Variants in EFCAB13 observed in about 807,000 individuals in gnomAD.
EFCAB13 encodes EF-hand calcium binding domain 13.
EFCAB13 carries 91 observed loss-of-function variants against 110.2 expected under a neutral mutation model. The ratio of observed to expected loss-of-function variants is 0.83; its 90% CI spans 0.70 to 0.98. EFCAB13 has a LOEUF of 0.98. Among genes scored for constraint, EFCAB13 ranks in the 50% least tolerant of loss-of-function variants. EFCAB13 has a pLI of 0.00. For missense variants in EFCAB13, 968 were observed against 1,119.4 expected, an observed-to-expected ratio of 0.86 and a Z score of 1.93; for synonymous variants, 323 against 369.9, an observed-to-expected ratio of 0.87 and a Z score of 1.45.
intron 9 of EFCAB13, among the ~76,000 whole-genome samples, chr17:47,356,989 G>A (rs2065484165): frequency 6.6e-6 from 1 of 152,196 alleles, no homozygotes; most frequent in Admixed American, 6.5e-5. Flanking sequence ...CTGCCTGACA[G>A]GTCGCCAGGG....
intron 9 of EFCAB13, among the ~76,000 whole-genome samples, chr17:47,348,897 A>G (rs2065432903): frequency 6.6e-6 from 1 of 152,176 alleles, no homozygotes; most frequent in Admixed American, 6.5e-5. Context: ...TAGAAAAGGA[A>G]AAATTCATAC....
intron 19 of EFCAB13, among the ~76,000 whole-genome samples, 165 bp from the exon 20 acceptor site, chr17:47,404,397 C>T (rs538258846): frequency 1.8e-4 from 27 of 152,220 alleles, no homozygotes; most frequent in Non-Finnish European, 2.5e-4. Flanking sequence ...ATACCTACAA[C>T]ATTGTAGGGT....
In EFCAB13 at chr17:47,397,702, C is replaced by T. The variant is rs1243140788; in HGVS notation, c.1945+1725C>T. ...TGTGAGGAGCGCCTCTACCCGGCCG[C>T]GACCCCATCTGGGAGGTGAGGAGCG... is the stretch of plus-strand genomic sequence containing the variant. On this transcript the variant is annotated intron_variant, in intron 17 of 24. Coordinates refer to ENST00000331493, the MANE Select transcript of EFCAB13 (RefSeq NM_152347.5). Among the ~76,000 whole-genome samples the T allele has an allele frequency of 5.9e-5, 9 of 151,766 alleles. No individual in the cohort carries two copies. The South Asian group carries it at 1.0e-3, about 18-fold the overall frequency.
chr17:47,349,301 C>G (rs1226303125), intron 9 of EFCAB13, among the ~76,000 whole-genome samples: 3 of 152,108 alleles, frequency 2.0e-5, no homozygotes, highest in Non-Finnish European at 4.4e-5. Flanking sequence ...GATAACATCA[C>G]TGATGTAAAT....
chr17:47,414,247 G>GTT (rs1904348477), intron 22 of EFCAB13, among the ~76,000 whole-genome samples: 1 of 151,802 alleles, frequency 6.6e-6, no homozygotes, highest in African/African-American at 2.4e-5. Flanking sequence ...GTATGTGTGT[G>GTT]TGTGCACGTG....
At chr17:47,394,244 A>G (rs921889697) in intron 16 of EFCAB13, 145 bp downstream of exon 16, 4 of 503,618 alleles carry the variant, frequency 7.9e-6, no homozygotes, top group Non-Finnish European at 1.1e-5. Context: ...TCCTGCTGCT[A>G]TATTTGGCTT....
In EFCAB13 at chr17:47,326,692, A is replaced by G. The variant is rs1174411233; in HGVS notation, c.-86+305A>G. Among the ~76,000 whole-genome samples, 4 of 151,722 alleles carry G rather than the reference A, an allele frequency of 2.6e-5. No individual in the cohort carries two copies. In the East Asian group the frequency reaches 7.8e-4, roughly 29 times the overall value. ...CAGTAAGTGCTATGCACAGTAGTTT[A>G]GAGGTAAATATTGAACTGGTTGGAG... On this transcript the variant is annotated intron_variant, in intron 3 of 24. Transcript: ENST00000331493.
intron 14 of EFCAB13, among the ~76,000 whole-genome samples, chr17:47,389,229 G>A (rs1567795735): frequency 6.6e-6 from 1 of 152,084 alleles, no homozygotes; most frequent in Non-Finnish European, 1.5e-5. Flanking sequence ...GTAGAGATGT[G>A]GTCTCCCTGT....
intron 8 of EFCAB13, among the ~76,000 whole-genome samples, chr17:47,346,523 T>G (rs1409603620): frequency 6.9e-6 from 1 of 144,724 alleles, no homozygotes; most frequent in African/African-American, 2.5e-5. Flanking sequence ...AGTACTGCAG[T>G]GAACAGGGGA....
At chr17:47,396,354 C>T (rs2065737953) in intron 17 of EFCAB13, among the ~76,000 whole-genome samples, 1 of 151,624 alleles carries the variant, frequency 6.6e-6, no homozygotes, top group Non-Finnish European at 1.5e-5. Context: ...TTGAAATAGG[C>T]TTTTATTTAA....
At chr17:47,341,104 G>T (rs540818598) in intron 5 of EFCAB13, among the ~76,000 whole-genome samples, 90 of 152,018 alleles carry the variant, frequency 5.9e-4, no homozygotes, top group Middle Eastern at 3.4e-3. Context: ...ATACAATCAG[G>T]AAAATCCTGA....
intron 5 of EFCAB13, among the ~76,000 whole-genome samples, chr17:47,340,475 A>G (rs2065377597): frequency 6.6e-6 from 1 of 152,200 alleles, no homozygotes; most frequent in African/African-American, 2.4e-5. Context: ...ACTGTACTCC[A>G]GTCTGGGCAA....
intron 15 of EFCAB13, among the ~76,000 whole-genome samples, 183 bp from the exon 16 acceptor site, chr17:47,393,842 C>T (rs146775166): frequency 2.0e-5 from 3 of 151,526 alleles, no homozygotes; most frequent in Admixed American, 6.6e-5. Flanking sequence ...TGTTTTTCAG[C>T]GTTTACTTCT....
intron 23 of EFCAB13, among the ~76,000 whole-genome samples, chr17:47,417,472 T>A (rs1314055444): frequency 6.6e-6 from 1 of 152,224 alleles, no homozygotes; most frequent in Non-Finnish European, 1.5e-5. Context: ...GTCAAAGCAG[T>A]CATGAATAAT....
intron 5 of EFCAB13, among the ~76,000 whole-genome samples, chr17:47,335,675 G>A (rs995136302): frequency 2.0e-5 from 3 of 152,178 alleles, no homozygotes; most frequent in Non-Finnish European, 2.9e-5. Flanking sequence ...TTTACAGGAA[G>A]CGAGGCTGGG....
chr17:47,340,010 A>G (rs2143250814), intron 5 of EFCAB13: 1 of 152,312 alleles, frequency 6.6e-6, no homozygotes, highest in East Asian at 1.9e-4. Context: ...AGAGTCTCCC[A>G]CCTTTTCCTA....
chr17:47,352,197 C>T (rs539186784), intron 9 of EFCAB13, among the ~76,000 whole-genome samples: 3 of 151,964 alleles, frequency 2.0e-5, no homozygotes, highest in East Asian at 1.9e-4. Flanking sequence ...CCACCACGCC[C>T]GGCCTCATCT....
chr17:47,341,959 C>T lies in EFCAB13; in HGVS notation c.230C>T (p.Ser77Phe), dbSNP rs2065387648. ...TSIIFCGEEK[S>F]SDFSGEKKVG... ...ATAATCTTTTGTGGAGAAGAAAAGT[C>T]CTCTGATTTTTCAGGAGAAAAAAAA... The change falls in exon 6 of 25, where the codon TCC (serine) becomes TTC (phenylalanine). Residue 77 changes from serine to phenylalanine, a missense_variant. Physicochemically the swap from Ser to Phe is radical, Grantham distance 155. Transcript: ENST00000331493. The T allele has an allele frequency of 6.3e-7, 1 of 1,597,776 alleles. No individual in the cohort carries two copies. The highest frequency in any genetic ancestry group is 1.1e-5 in the South Asian group (1 of 87,744).
intron 11 of EFCAB13, 25 bp downstream of exon 11, chr17:47,370,533 C>G: frequency 6.6e-7 from 1 of 1,514,144 alleles, no homozygotes; most frequent in South Asian, 1.2e-5. Flanking sequence ...GTTGCTATGA[C>G]AAGTTTTGTT....
Sources: allele counts gnomAD v4.1 joint callset (sites outside exome capture counted in the v4.1 genomes callset), GRCh38; gene constraint gnomAD v4.1.1; transcripts MANE v1.5; gene names NCBI Gene and HGNC (gene_info 2026-07-23, HGNC 2026-07-21).